SGMS1: variants seen among roughly 807,000 people sequenced by gnomAD.
The protein encoded by SGMS1 is sphingomyelin synthase 1.
Under a neutral mutation model 46.2 loss-of-function variants are expected in SGMS1, and 13 were observed. The ratio of observed to expected loss-of-function variants is 0.28; its 90% CI spans 0.18 to 0.45. SGMS1 has a LOEUF of 0.45. Among genes scored for constraint, SGMS1 ranks in the 20% least tolerant of loss-of-function variants. SGMS1 has a pLI of 1.00. For missense variants in SGMS1, 324 were observed against 519.9 expected (o/e 0.62, Z 3.66); for synonymous variants, 203 against 187.8 (o/e 1.08, Z -0.66).
chr10:50,557,608 A>T (rs1188601673), intron 2 of SGMS1, among the ~76,000 whole-genome samples: 1 of 152,120 alleles, frequency 6.6e-6, no homozygotes, highest in African/African-American at 2.4e-5. Flanking sequence ...ATGCAAAAAA[A>T]AAAAGGTAAA....
intron 6 of SGMS1, among the ~76,000 whole-genome samples, chr10:50,414,742 G>A (rs1370064788): frequency 6.6e-6 from 1 of 152,130 alleles, no homozygotes; most frequent in East Asian, 1.9e-4. Context: ...TTCAAAGAAC[G>A]ACGCAATTAT....
At chr10:50,397,549 T>C (rs1848863971) in intron 6 of SGMS1, among the ~76,000 whole-genome samples, 2 of 152,192 alleles carry the variant, frequency 1.3e-5, no homozygotes, top group South Asian at 4.1e-4. Context: ...TGCCTATGTT[T>C]AAAAGTTCTG....
At chr10:50,378,524 C>A (rs1848552509) in intron 6 of SGMS1, among the ~76,000 whole-genome samples, 2 of 152,102 alleles carry the variant, frequency 1.3e-5, no homozygotes. Flanking sequence ...CATTCACAGC[C>A]AACTACAGCA....
intron 7 of SGMS1, among the ~76,000 whole-genome samples, chr10:50,338,744 A>AT (rs202210485): frequency 0.012 from 1,729 of 139,250 alleles, 30 homozygotes; most frequent in African/African-American, 0.036. Context: ...CTGCAATGGC[A>AT]TTTTTTTTTT....
chr10:50,462,490 T>C (rs1837276682), intron 4 of SGMS1, among the ~76,000 whole-genome samples: 1 of 152,216 alleles, frequency 6.6e-6, no homozygotes, highest in South Asian at 2.1e-4. Flanking sequence ...GTACACTTAA[T>C]GCTAGCTTTC....
chr10:50,457,944 A>G (rs1837213043), intron 5 of SGMS1, among the ~76,000 whole-genome samples: 2 of 152,202 alleles, frequency 1.3e-5, no homozygotes, highest in Admixed American at 6.5e-5. Context: ...TTTGGAAGAA[A>G]CAGCTGCTCA....
At chr10:50,406,713 T>TC (rs1333528789) in intron 6 of SGMS1, among the ~76,000 whole-genome samples, 2 of 151,072 alleles carry the variant, frequency 1.3e-5, no homozygotes, top group Non-Finnish European at 3.0e-5. Context: ...TCTTTTTTTT[T>TC]TTTTCTTCAG....
chr10:50,369,423 G>C (rs1311655681), intron 6 of SGMS1, among the ~76,000 whole-genome samples: 1 of 152,152 alleles, frequency 6.6e-6, no homozygotes, highest in Non-Finnish European at 1.5e-5. Context: ...CCTTGAGCCT[G>C]GGAAGTTGAG....
intron 2 of SGMS1, among the ~76,000 whole-genome samples, chr10:50,585,074 A>C (rs1422950531): frequency 1.3e-5 from 2 of 152,238 alleles, no homozygotes; most frequent in African/African-American, 2.4e-5. Context: ...CCTTAATGTA[A>C]AAAAATACTT....
intron 2 of SGMS1, among the ~76,000 whole-genome samples, chr10:50,566,566 C>CTATGG (rs1417069774): frequency 1.3e-5 from 2 of 152,208 alleles, no homozygotes; most frequent in African/African-American, 4.8e-5. Context: ...TATGCAAACA[C>CTATGG]TATGGTATGC....
At chr10:50,390,265 G>A (rs1589420130) in intron 6 of SGMS1, among the ~76,000 whole-genome samples, 1 of 152,178 alleles carries the variant, frequency 6.6e-6, no homozygotes, top group South Asian at 2.1e-4. Flanking sequence ...AGACATTTGA[G>A]CAGGAAATCA....
chr10:50,523,467 T>G (rs1305714763), intron 2 of SGMS1, among the ~76,000 whole-genome samples: 1 of 152,200 alleles, frequency 6.6e-6, no homozygotes, highest in Non-Finnish European at 1.5e-5. Context: ...ATGTCCCTGT[T>G]TCTTCCAAAA....
intron 6 of SGMS1, among the ~76,000 whole-genome samples, chr10:50,392,110 G>A (rs918610358): frequency 1.3e-5 from 2 of 151,574 alleles, no homozygotes; most frequent in Admixed American, 1.3e-4. Flanking sequence ...TGATGAAATG[G>A]TCTGTACGCC....
intron 6 of SGMS1, among the ~76,000 whole-genome samples, chr10:50,401,194 T>C (rs868805294): frequency 2.2e-4 from 34 of 152,310 alleles, no homozygotes; most frequent in African/African-American, 7.2e-4. Context: ...AGTTCTAAAC[T>C]AGCCCCAATT....
chr10:50,473,167 C>G (rs1184832886), intron 3 of SGMS1, among the ~76,000 whole-genome samples: 1 of 152,110 alleles, frequency 6.6e-6, no homozygotes, highest in Non-Finnish European at 1.5e-5. Flanking sequence ...AAATAGTTCT[C>G]TACACTGTGT....
At chr10:50,508,008 C>A (rs1338514933) in intron 3 of SGMS1, among the ~76,000 whole-genome samples, 1 of 152,142 alleles carries the variant, frequency 6.6e-6, no homozygotes, top group South Asian at 2.1e-4. Flanking sequence ...AGGGACAATT[C>A]ATGGGATCTG....
rs1210794650 is a variant in SGMS1 at position 50,509,527 on chromosome 10, T to C, written c.-498+10304A>G. Among the ~76,000 whole-genome samples, 5 of 152,320 alleles carry C rather than the reference T, an allele frequency of 3.3e-5. No individual in the cohort carries two copies. The East Asian group carries it at 9.6e-4, about 29-fold the overall frequency. ...CGGATCTGAAAAGTCAACTCTTCTCTAGTGATGAATATTTTAATGGCAAAG... is the reference window on the plus strand; with the variant it reads ...CGGATCTGAAAAGTCAACTCTTCTCCAGTGATGAATATTTTAATGGCAAAG... On this transcript the variant is annotated intron_variant, in intron 3 of 10. Transcript: ENST00000361781.
At chr10:50,365,177 C>T (rs1589408194) in intron 6 of SGMS1, among the ~76,000 whole-genome samples, 1 of 144,390 alleles carries the variant, frequency 6.9e-6, no homozygotes, top group Non-Finnish European at 1.5e-5. Context: ...CTCTTGAACC[C>T]GGGAGGTGGA....
At chr10:50,504,757 A>G (rs1564419546) in intron 3 of SGMS1, among the ~76,000 whole-genome samples, 2 of 152,204 alleles carry the variant, frequency 1.3e-5, no homozygotes, top group African/African-American at 4.8e-5. Flanking sequence ...AAGGTTTAGA[A>G]AAACATTTCT....
Sources: allele counts gnomAD v4.1 joint callset (sites outside exome capture counted in the v4.1 genomes callset), GRCh38; gene constraint gnomAD v4.1.1; transcripts MANE v1.5; gene names NCBI Gene and HGNC (gene_info 2026-07-23, HGNC 2026-07-21).